The following TEAD1 variants were observed in gnomAD, a reference collection of about 807,000 sequenced individuals.
The protein encoded by TEAD1 is transcriptional enhancer factor TEF-1.
In TEAD1, 9 loss-of-function variants were observed where a neutral mutation model predicts 54.9. That is an observed-to-expected ratio of 0.16 (90% confidence interval 0.10 to 0.29). TEAD1 has a LOEUF of 0.29. Among genes scored for constraint, TEAD1 ranks in the 10% least tolerant of loss-of-function variants. The pLI, the probability that TEAD1 is intolerant of heterozygous loss-of-function variation, is 1.00. For missense variants in TEAD1, 387 were observed against 535.9 expected, an observed-to-expected ratio of 0.72 and a Z score of 2.74; for synonymous variants, 200 against 187.8, an observed-to-expected ratio of 1.07 and a Z score of -0.53.
rs12422160 is a variant in TEAD1 at position 12,872,520 on chromosome 11, T to G, written c.331-7188T>G. ...AATTTAACTGAACGAAAACTAAGAT[T>G]GGAGACAATTTCTCAGGCTTCAGTT... is the stretch of plus-strand genomic sequence containing the variant. On this transcript the variant is annotated intron_variant, in intron 5 of 12. Transcript: ENST00000527636. Among the ~76,000 whole-genome samples the G allele has an allele frequency of 4.7e-3, 723 of 152,362 alleles. 2 individuals are homozygous for G. Among genetic ancestry groups the G allele is most frequent in the Admixed American group, 9.5e-3 (146 of 15,306 alleles).
intron 2 of TEAD1, among the ~76,000 whole-genome samples, chr11:12,715,856 C>A (rs1944049028): frequency 6.6e-6 from 1 of 151,968 alleles, no homozygotes; most frequent in African/African-American, 2.4e-5. Context: ...GGGGGCATAC[C>A]ATTTTTATTT....
chr11:12,677,169 CT>C (rs1323596529), intron 2 of TEAD1, among the ~76,000 whole-genome samples: 2 of 151,636 alleles, frequency 1.3e-5, no homozygotes, highest in Non-Finnish European at 2.9e-5. Flanking sequence ...TTTTTCTTTT[CT>C]TTTCCCAAAA....
intron 12 of TEAD1, among the ~76,000 whole-genome samples, chr11:12,931,991 A>G (rs1298815129): frequency 2.0e-5 from 3 of 152,202 alleles, no homozygotes; most frequent in African/African-American, 7.2e-5. Flanking sequence ...AGATTGGGAA[A>G]TGAGCCGCAA....
chr11:12,719,004 A>AG lies in TEAD1; in HGVS notation c.-55+43451dup, dbSNP rs147726670. Among the ~76,000 whole-genome samples, 873 of 149,462 alleles carry AG rather than the reference A, an allele frequency of 5.8e-3. 1 individual carries two copies. The highest frequency in any genetic ancestry group is 0.024 in the Middle Eastern group (7 of 294). On this transcript the variant is annotated intron_variant, in intron 2 of 12. Coordinates refer to ENST00000527636, the MANE Select transcript of TEAD1 (RefSeq NM_021961.6). Reference sequence around the variant, plus strand: ...TTGAAAACTTTGGGGTTTTTTTTTTAGGGGGGGGAGTCCAAGGGTCTTCTG... The same window carrying AG: ...TTGAAAACTTTGGGGTTTTTTTTTTAGGGGGGGGGAGTCCAAGGGTCTTCTG...
At chr11:12,719,653 C>T (rs952478316) in intron 2 of TEAD1, among the ~76,000 whole-genome samples, 1 of 151,948 alleles carries the variant, frequency 6.6e-6, no homozygotes, top group African/African-American at 2.4e-5. Context: ...AAAAGACAAC[C>T]AAGGCTGAGG....
At chr11:12,735,676 G>A (rs1205558725) in intron 2 of TEAD1, among the ~76,000 whole-genome samples, 1 of 151,250 alleles carries the variant, frequency 6.6e-6, no homozygotes, top group Admixed American at 6.6e-5. Flanking sequence ...CATGAGGCAT[G>A]TATCCCCTGG....
intron 5 of TEAD1, among the ~76,000 whole-genome samples, chr11:12,866,950 C>T (rs948180187): frequency 6.6e-6 from 1 of 152,250 alleles, no homozygotes; most frequent in South Asian, 2.1e-4. Context: ...ATGTGGGGTG[C>T]ATCCCGGGGA....
chr11:12,877,482 A>G (rs187647089), intron 5 of TEAD1, among the ~76,000 whole-genome samples: 34 of 152,220 alleles, frequency 2.2e-4, no homozygotes, highest in Non-Finnish European at 4.0e-4. Context: ...GTGAAACCCC[A>G]TCTCTACTAA....
intron 3 of TEAD1, among the ~76,000 whole-genome samples, chr11:12,791,769 G>GA: frequency 6.6e-6 from 1 of 152,138 alleles, no homozygotes; most frequent in Non-Finnish European, 1.5e-5. Context: ...GGAGTAGTGG[G>GA]AAAATGCATC....
At chr11:12,900,126 T>A (rs1005122127) in intron 9 of TEAD1, among the ~76,000 whole-genome samples, 2 of 152,148 alleles carry the variant, frequency 1.3e-5, no homozygotes, top group African/African-American at 4.8e-5. Flanking sequence ...AACAGCATGA[T>A]CATAGCTCCA....
chr11:12,876,181 A>G (rs1232726589), intron 5 of TEAD1, among the ~76,000 whole-genome samples: 1 of 152,208 alleles, frequency 6.6e-6, no homozygotes, highest in Non-Finnish European at 1.5e-5. Context: ...ACTTTAACAG[A>G]AGAAAAAGAT....
chr11:12,681,238 G>A (rs888355869), intron 2 of TEAD1, among the ~76,000 whole-genome samples: 8 of 152,148 alleles, frequency 5.3e-5, no homozygotes, highest in African/African-American at 1.9e-4. Context: ...TGTCTGAGCC[G>A]AGAAATTCTC....
intron 10 of TEAD1, among the ~76,000 whole-genome samples, chr11:12,921,784 G>A (rs920247242): frequency 6.6e-6 from 1 of 152,134 alleles, no homozygotes; most frequent in African/African-American, 2.4e-5. Context: ...CTGGAGACTG[G>A]AGCTCAGTTA....
intron 10 of TEAD1, among the ~76,000 whole-genome samples, chr11:12,924,501 T>C (rs1417595647): frequency 1.3e-5 from 2 of 152,228 alleles, no homozygotes; most frequent in Non-Finnish European, 2.9e-5. Context: ...AGAAAGTTTC[T>C]GTTTGTACAT....
intron 2 of TEAD1, among the ~76,000 whole-genome samples, chr11:12,712,044 T>A (rs1475638236): frequency 6.6e-6 from 1 of 152,202 alleles, no homozygotes; most frequent in African/African-American, 2.4e-5. Context: ...TCAGGGAGTG[T>A]CCATTTCTGG....
rs753524777 is a variant in TEAD1, at chr11:12,941,868, C to T, written c.*4646C>T. ...CAATTCAGAGCTGCCAAAGTGTTCCCGTAAGCAGTGCCTTAGTAATACCTT... is the reference window on the plus strand; with the variant it reads ...CAATTCAGAGCTGCCAAAGTGTTCCTGTAAGCAGTGCCTTAGTAATACCTT... On this transcript the variant is annotated 3_prime_UTR_variant, in exon 13 of 13. Transcript: ENST00000527636. 4 of 152,596 alleles carry T rather than the reference C, an allele frequency of 2.6e-5. No individual in the cohort carries two copies. Among genetic ancestry groups the T allele is most frequent in the Non-Finnish European group, 5.9e-5 (4 of 68,034 alleles). The allele number at this position is 152,596 out of a possible 1,614,324, so 9.5% of individuals were successfully genotyped here.
chr11:12,831,780 C>CAA (rs10709676), intron 3 of TEAD1, among the ~76,000 whole-genome samples: 68 of 90,342 alleles, frequency 7.5e-4, no homozygotes, highest in African/African-American at 1.9e-3. Context: ...GACGCTGTCT[C>CAA]AAAAAAAAAA....
chr11:12,920,380 T>A (rs1189877777), intron 10 of TEAD1, among the ~76,000 whole-genome samples: 8 of 152,234 alleles, frequency 5.3e-5, no homozygotes, highest in Admixed American at 2.0e-4. Context: ...TTTTCTGTTT[T>A]AAGGTTGACA....
chr11:12,910,747 C>CTTTTTTTTTTTT (rs5789752), intron 10 of TEAD1, among the ~76,000 whole-genome samples: 31 of 119,924 alleles, frequency 2.6e-4, no homozygotes, highest in African/African-American at 4.8e-4. Context: ...ACTTAATTTG[C>CTTTTTTTTTTTT]TTTTTTTTTT....
Sources: allele counts gnomAD v4.1 joint callset (sites outside exome capture counted in the v4.1 genomes callset), GRCh38; gene constraint gnomAD v4.1.1; transcripts MANE v1.5; gene names NCBI Gene and HGNC (gene_info 2026-07-23, HGNC 2026-07-21).